The following UTRN variants were observed in gnomAD, a reference collection of about 807,000 sequenced individuals.
UTRN encodes utrophin.
Under a neutral mutation model 463.9 loss-of-function variants are expected in UTRN, and 283 were observed. The observed-to-expected ratio is 0.61, with a 90% CI of 0.55 to 0.67. The LOEUF is 0.67. Ranked by LOEUF, UTRN falls within the 30% of genes least tolerant of loss-of-function variation. The pLI is 0.00. For missense variants in UTRN, 3,922 were observed against 4,084.3 expected, an observed-to-expected ratio of 0.96 and a Z score of 1.08; for synonymous variants, 1,442 against 1,431.5, an observed-to-expected ratio of 1.01 and a Z score of -0.17.
chr6:144,745,392 T>C (rs1054485974), intron 54 of UTRN, among the ~76,000 whole-genome samples: 3 of 152,208 alleles, frequency 2.0e-5, no homozygotes, highest in Admixed American at 6.6e-5. Flanking sequence ...CACAGACTTC[T>C]AGAAAGTTTT....
chr6:144,693,003 G>C (rs1029271108), intron 52 of UTRN, among the ~76,000 whole-genome samples: 1 of 150,978 alleles, frequency 6.6e-6, no homozygotes, highest in Non-Finnish European at 1.5e-5. Flanking sequence ...TGTCTTTCAG[G>C]GTTTTTTTTT....
At chr6:144,582,533 C>T (rs1802065182) in intron 51 of UTRN, among the ~76,000 whole-genome samples, 1 of 152,144 alleles carries the variant, frequency 6.6e-6, no homozygotes, top group Admixed American at 6.5e-5. Context: ...ATTATGGCCT[C>T]ATATTTCCTA....
intron 72 of UTRN, among the ~76,000 whole-genome samples, chr6:144,840,164 G>T (rs930175783): frequency 3.3e-5 from 5 of 151,992 alleles, no homozygotes; most frequent in African/African-American, 1.2e-4. Flanking sequence ...CTCCAGCCTG[G>T]TGACGGAGGC....
chr6:144,470,623 G>T (rs1470156350), intron 23 of UTRN, among the ~76,000 whole-genome samples: 2 of 151,996 alleles, frequency 1.3e-5, no homozygotes, highest in African/African-American at 4.8e-5. Context: ...CTTAGACGGG[G>T]TGGCGGCCGG....
chr6:144,570,650 A>G (rs1800854926), intron 50 of UTRN, among the ~76,000 whole-genome samples: 2 of 152,232 alleles, frequency 1.3e-5, no homozygotes, highest in African/African-American at 2.4e-5. Context: ...TGATCAGTAG[A>G]TAATTTGTCA....
At chr6:144,583,285 G>T in intron 51 of UTRN, 1 of 419,804 alleles carries the variant, frequency 2.4e-6, no homozygotes, top group Admixed American at 4.2e-5. Context: ...CTTTCTCTGT[G>T]GCGTTTGTCT....
At chr6:144,645,697 G>C (rs79096695) in intron 51 of UTRN, among the ~76,000 whole-genome samples, 1 of 152,094 alleles carries the variant, frequency 6.6e-6, no homozygotes, top group African/African-American at 2.4e-5. Flanking sequence ...GTTGTATAAC[G>C]GGGCTGTTGG....
At chr6:144,754,628 T>A in intron 56 of UTRN, 92 bp from the exon 57 acceptor site, 1 of 1,145,076 alleles carries the variant, frequency 8.7e-7, no homozygotes, top group Non-Finnish European at 1.2e-6. Flanking sequence ...GGCAATAGCA[T>A]CATTTATTAT....
At chr6:144,553,425 T>C (rs974657026) in intron 48 of UTRN, among the ~76,000 whole-genome samples, 1 of 152,206 alleles carries the variant, frequency 6.6e-6, no homozygotes, top group African/African-American at 2.4e-5. Flanking sequence ...TGGAATGTTA[T>C]CTTGTAGTTA....
intron 51 of UTRN, among the ~76,000 whole-genome samples, chr6:144,655,034 T>C (rs2128669060): frequency 6.6e-6 from 1 of 152,298 alleles, no homozygotes; most frequent in South Asian, 2.1e-4. Context: ...TTATGAATCC[T>C]AATTTTTATT....
intron 60 of UTRN, 130 bp downstream of exon 60, chr6:144,774,494 G>A: frequency 1.3e-6 from 1 of 771,484 alleles, no homozygotes; most frequent in Non-Finnish European, 2.0e-6. Flanking sequence ...CTCACTCAAG[G>A]AGTTGGTTTT....
chr6:144,394,296 T>G (rs895433234), intron 2 of UTRN, among the ~76,000 whole-genome samples: 4 of 152,120 alleles, frequency 2.6e-5, no homozygotes, highest in African/African-American at 9.7e-5. Flanking sequence ...AACGGACTCA[T>G]AGTTCCACGT....
chr6:144,423,690 A>C, intron 5 of UTRN, 64 bp downstream of exon 5: 1 of 1,559,906 alleles, frequency 6.4e-7, no homozygotes, highest in Non-Finnish European at 8.8e-7. Flanking sequence ...TGTGAAACTC[A>C]CCAACTGCTT....
At chr6:144,299,731 T>C (rs1805062482) in intron 2 of UTRN, among the ~76,000 whole-genome samples, 1 of 152,194 alleles carries the variant, frequency 6.6e-6, no homozygotes, top group African/African-American at 2.4e-5. Context: ...AAAAATGTAT[T>C]GTGTATATTT....
Position 144,487,648 on chromosome 6 carries a change from G to A in UTRN, c.3923G>A (p.Ser1308Asn), listed in dbSNP as rs746994724. The A allele has an allele frequency of 6.2e-7, 1 of 1,613,062 alleles. No individual in the cohort carries two copies. Among genetic ancestry groups the A allele is most frequent in the South Asian group, 1.1e-5 (1 of 90,912 alleles). ...GGGGGGATCCTGGATGATATAATCA[G>A]TGAGAAACTGGAGGCTTTCAACAGC... ...IDGGILDDIISEKLEAFNSRY... is the reference protein window; with the variant it reads ...IDGGILDDIINEKLEAFNSRY... The change falls in exon 29 of 75, where the codon AGT becomes AAT. Residue 1308 changes from serine (S) to asparagine (N), a missense_variant. This residue lies in a region of UTRN where 2,349 missense variants were observed against 2,303.8 expected (regional missense o/e 1.02). Coordinates refer to ENST00000367545, the MANE Select transcript of UTRN (RefSeq NM_007124.3).
intron 51 of UTRN, among the ~76,000 whole-genome samples, chr6:144,641,856 T>C (rs1157254173): frequency 6.6e-6 from 1 of 152,248 alleles, no homozygotes; most frequent in Admixed American, 6.5e-5. Context: ...TGGTTGACTT[T>C]ATGCTTTTCA....
intron 52 of UTRN, among the ~76,000 whole-genome samples, chr6:144,682,588 A>G (rs1227424888): frequency 6.6e-6 from 1 of 152,186 alleles, no homozygotes; most frequent in Non-Finnish European, 1.5e-5. Flanking sequence ...ATATTAACTT[A>G]CATTCCCACC....
intron 51 of UTRN, among the ~76,000 whole-genome samples, chr6:144,661,758 T>G (rs1562724926): frequency 6.6e-6 from 1 of 152,214 alleles, no homozygotes; most frequent in Non-Finnish European, 1.5e-5. Context: ...GCTGGACTTT[T>G]GTATTGTAAT....
intron 2 of UTRN, among the ~76,000 whole-genome samples, chr6:144,368,315 A>T (rs2064011449): frequency 6.6e-6 from 1 of 152,226 alleles, no homozygotes; most frequent in Admixed American, 6.5e-5. Flanking sequence ...GACATATGAC[A>T]TTAAAGGAAT....
Sources: allele counts gnomAD v4.1 joint callset (sites outside exome capture counted in the v4.1 genomes callset), GRCh38; gene constraint gnomAD v4.1.1; regional missense constraint gnomAD v4.1.1; transcripts MANE v1.5; gene names NCBI Gene and HGNC (gene_info 2026-07-23, HGNC 2026-07-21).